CCDC85A: variants seen among roughly 807,000 people sequenced by gnomAD.
CCDC85A encodes coiled-coil domain-containing protein 85A.
Under a neutral mutation model 50.2 loss-of-function variants are expected in CCDC85A, and 38 were observed. The ratio of observed to expected loss-of-function variants is 0.76; its 90% CI spans 0.58 to 0.99. CCDC85A has a LOEUF of 0.99. Ranked by LOEUF, CCDC85A falls within the 50% of genes least tolerant of loss-of-function variation. The pLI is 0.00. For synonymous variants in CCDC85A, 366 were observed against 301.4 expected, an observed-to-expected ratio of 1.21 and a Z score of -2.22; for missense variants, 820 against 742.0, an observed-to-expected ratio of 1.11 and a Z score of -1.22.
Position 56,345,969 on chromosome 2 carries a change from T to C in CCDC85A, c.1317+3014T>C, listed in dbSNP as rs558461039. Among the ~76,000 whole-genome samples, 4 of 152,320 alleles carry C rather than the reference T, an allele frequency of 2.6e-5. No homozygotes were observed. In the East Asian group the frequency reaches 7.7e-4, roughly 29 times the overall value. On this transcript the variant is annotated intron_variant, in intron 3 of 5. Coordinates refer to ENST00000407595, the MANE Select transcript of CCDC85A (RefSeq NM_001080433.2). ...GAAGGTATTCCTTTTCACTCCCAAA[T>C]TTATTAAAGCGTGTCCATTTGTCTT...
chr2:56,287,268 A>G (rs1573179786), intron 2 of CCDC85A, among the ~76,000 whole-genome samples: 1 of 152,184 alleles, frequency 6.6e-6, no homozygotes, highest in Non-Finnish European at 1.5e-5. Flanking sequence ...TCTTATTTCC[A>G]GTACTCTGCC....
rs767454240 is a variant in CCDC85A, at chr2:56,193,036, C to T, written c.836C>T (p.Pro279Leu). The T allele has an allele frequency of 4.3e-6, 7 of 1,613,896 alleles. No homozygotes were observed. Among genetic ancestry groups the T allele is most frequent in the East Asian group, 2.2e-5 (1 of 44,844 alleles). ...DRPKALKGPS[P>L]EHHKPLCKGS... ...CCCAAAGCACTCAAAGGACCTAGCC[C>T]GGAGCACCACAAACCCTTGTGCAAG... is the stretch of plus-strand genomic sequence containing the variant. Residue 279 changes from proline (P) to leucine (L), a missense_variant, in exon 2 of 6, where the codon CCG becomes CTG. Pro to Leu is a moderately conservative substitution (Grantham distance 98). Coordinates refer to ENST00000407595, the MANE Select transcript of CCDC85A (RefSeq NM_001080433.2).
intron 2 of CCDC85A, among the ~76,000 whole-genome samples, chr2:56,211,246 G>A (rs1300809401): frequency 6.6e-6 from 1 of 152,094 alleles, no homozygotes; most frequent in Non-Finnish European, 1.5e-5. Flanking sequence ...CTTCCTGTAG[G>A]AAACTGAATA....
At chr2:56,276,954 G>A (rs1344346123) in intron 2 of CCDC85A, among the ~76,000 whole-genome samples, 3 of 152,092 alleles carry the variant, frequency 2.0e-5, no homozygotes, top group African/African-American at 7.2e-5. Context: ...AGGACACTAG[G>A]GTCTTAGAAT....
At chr2:56,381,199 T>C (rs1198962841) in intron 5 of CCDC85A, among the ~76,000 whole-genome samples, 2 of 152,128 alleles carry the variant, frequency 1.3e-5, no homozygotes, top group African/African-American at 4.8e-5. Context: ...GGACATCTAG[T>C]TCTAGATGTC....
chr2:56,358,516 C>A (rs1234379848), intron 3 of CCDC85A, among the ~76,000 whole-genome samples: 1 of 152,126 alleles, frequency 6.6e-6, no homozygotes. Flanking sequence ...ACTTTTTTAG[C>A]AAAGAGCCAG....
intron 2 of CCDC85A, among the ~76,000 whole-genome samples, chr2:56,306,647 C>T (rs562494617): frequency 3.9e-4 from 59 of 152,198 alleles, no homozygotes; most frequent in African/African-American, 1.4e-3. Context: ...ATACAGTAGC[C>T]TCATGCAATT....
chr2:56,269,650 T>C (rs911984738), intron 2 of CCDC85A, among the ~76,000 whole-genome samples: 1 of 152,176 alleles, frequency 6.6e-6, no homozygotes, highest in Non-Finnish European at 1.5e-5. Flanking sequence ...TCACATTCAG[T>C]TGTCGTAAGT....
At chr2:56,347,030 AAGT>A (rs1427991165) in intron 3 of CCDC85A, among the ~76,000 whole-genome samples, 2 of 152,224 alleles carry the variant, frequency 1.3e-5, no homozygotes, top group African/African-American at 4.8e-5. Context: ...TGAATAATGT[AAGT>A]AGACATTTGT....
intron 2 of CCDC85A, among the ~76,000 whole-genome samples, chr2:56,276,977 T>C (rs866679894): frequency 4.7e-4 from 72 of 152,298 alleles, no homozygotes; most frequent in African/African-American, 1.7e-3. Context: ...CTACACAGCC[T>C]GAGGAGCAGA....
At chr2:56,264,786 C>T (rs757648119) in intron 2 of CCDC85A, among the ~76,000 whole-genome samples, 3 of 152,166 alleles carry the variant, frequency 2.0e-5, no homozygotes, top group African/African-American at 7.2e-5. Context: ...CTTCTTTCTG[C>T]CTCACCTCCC....
chr2:56,244,256 G>A (rs2103973303), intron 2 of CCDC85A, among the ~76,000 whole-genome samples: 1 of 152,228 alleles, frequency 6.6e-6, no homozygotes, highest in South Asian at 2.1e-4. Flanking sequence ...CTATTCTGCA[G>A]CTAAACTGGC....
chr2:56,185,792 C>T (rs1676001730), intron 1 of CCDC85A: 1 of 152,344 alleles, frequency 6.6e-6, no homozygotes, highest in African/African-American at 2.4e-5. Flanking sequence ...CGGGAACCGC[C>T]CTGCTGGCGA....
intron 5 of CCDC85A, 68 bp downstream of exon 5, chr2:56,376,003 G>A: frequency 6.5e-7 from 1 of 1,544,482 alleles, no homozygotes; most frequent in Non-Finnish European, 8.8e-7. Context: ...CTGTAGTCTA[G>A]TAGTCCTCAC....
At chr2:56,309,462 TA>T (rs1313331633) in intron 2 of CCDC85A, among the ~76,000 whole-genome samples, 4 of 152,186 alleles carry the variant, frequency 2.6e-5, no homozygotes, top group Non-Finnish European at 5.9e-5. Flanking sequence ...ATAGTTTATT[TA>T]ATGTCACAAT....
chr2:56,246,726 G>A (rs1401802101), intron 2 of CCDC85A, among the ~76,000 whole-genome samples: 1 of 152,078 alleles, frequency 6.6e-6, no homozygotes, highest in East Asian at 1.9e-4. Context: ...TGACCTGTAT[G>A]TTTATAATTA....
intron 2 of CCDC85A, among the ~76,000 whole-genome samples, chr2:56,287,602 T>A (rs1475962340): frequency 6.6e-6 from 1 of 152,144 alleles, no homozygotes; most frequent in African/African-American, 2.4e-5. Context: ...GTGGAATGCA[T>A]ATTAGAGTTG....
chr2:56,334,827 C>G (rs1399827173), intron 2 of CCDC85A, among the ~76,000 whole-genome samples: 1 of 152,082 alleles, frequency 6.6e-6, no homozygotes, highest in Non-Finnish European at 1.5e-5. Context: ...GGCAGAGACA[C>G]AGAGCTAAGA....
intron 3 of CCDC85A, among the ~76,000 whole-genome samples, chr2:56,357,195 A>G (rs1411758021): frequency 1.3e-5 from 2 of 152,174 alleles, no homozygotes; most frequent in Non-Finnish European, 2.9e-5. Context: ...GGTTAGGGAA[A>G]CCAGTCATAC....
Sources: allele counts gnomAD v4.1 joint callset (sites outside exome capture counted in the v4.1 genomes callset), GRCh38; gene constraint gnomAD v4.1.1; transcripts MANE v1.5; gene names NCBI Gene and HGNC (gene_info 2026-07-23, HGNC 2026-07-21).